TMEM231: variants seen among roughly 807,000 people sequenced by gnomAD.
TMEM231 encodes transmembrane protein 231.
In TMEM231, 40 loss-of-function variants were observed where a neutral mutation model predicts 38.5. That is an observed-to-expected ratio of 1.04 (90% CI 0.81 to 1.35). The LOEUF (loss-of-function observed/expected upper bound fraction) is 1.35, where lower values mean the gene tolerates loss of function less well. Among genes scored for constraint, TMEM231 ranks in the 40% most tolerant of loss-of-function variants. The pLI, the probability that TMEM231 is intolerant of heterozygous loss-of-function variation, is 0.00. For synonymous variants in TMEM231, 199 were observed against 181.7 expected, an observed-to-expected ratio of 1.10 and a Z score of -0.77; for missense variants, 420 against 416.9, an observed-to-expected ratio of 1.01 and a Z score of -0.07.
Position 75,539,340 on chromosome 16 carries a change from C to G in TMEM231, c.*654G>C, listed in dbSNP as rs542097304. 13 of 152,550 alleles carry G rather than the reference C, an allele frequency of 8.5e-5. No individual in the cohort carries two copies. The highest frequency in any genetic ancestry group is 2.4e-4 in the African/African-American group (10 of 41,610). 9.4% of individuals were successfully genotyped at this position (152,550 alleles called of 1,614,324 possible). A position where few individuals can be genotyped will look rare whatever the true frequency, so the allele number is the denominator to read the frequency against. ...GCCCAGTCACAGTACGGCAAAGATC[C>G]AGGGCTGCTCAGCTGAGCTGATGAC... On this transcript the variant is annotated 3_prime_UTR_variant, in exon 7 of 7. Coordinates refer to ENST00000258173, the MANE Select transcript of TMEM231 (RefSeq NM_001077418.3).
chr16:75,555,592 T>TG, intron 2 of TMEM231: 1 of 506,312 alleles, frequency 2.0e-6, no homozygotes, highest in South Asian at 3.7e-5. Flanking sequence ...GCTAACTTTC[T>TG]GGGGGCCGGG....
intron 5 of TMEM231, among the ~76,000 whole-genome samples, chr16:75,542,275 AGGTGTGG>A (rs1385983940): frequency 2.8e-5 from 2 of 71,274 alleles, no homozygotes; most frequent in Non-Finnish European, 5.4e-5. Context: ...CATCTGTTAT[AGGTGTGG>A]ATAGGTGTGG....
At chr16:75,552,347 G>T in intron 2 of TMEM231, among the ~76,000 whole-genome samples, 1 of 151,746 alleles carries the variant, frequency 6.6e-6, no homozygotes, top group South Asian at 2.1e-4. Context: ...CAGCTCCTTC[G>T]GAGGCTGAGG....
chr16:75,547,554 G>T (rs2080708037), intron 2 of TMEM231, among the ~76,000 whole-genome samples: 2 of 152,112 alleles, frequency 1.3e-5, no homozygotes, highest in African/African-American at 4.8e-5. Flanking sequence ...AGCCTGCCTT[G>T]CGGATCATGA....
At chr16:75,555,650 C>G (rs1020334731) in intron 2 of TMEM231, 154 bp downstream of exon 2, 4 of 715,732 alleles carry the variant, frequency 5.6e-6, no homozygotes, top group Non-Finnish European at 8.7e-6. Context: ...TCCCTAGGTC[C>G]TAGGAGATGA....
intron 5 of TMEM231, 151 bp from the exon 6 acceptor site, chr16:75,541,606 G>C (rs1352353822): frequency 4.4e-6 from 2 of 456,984 alleles, no homozygotes; most frequent in South Asian, 4.9e-5. Context: ...GTGCAAAGCT[G>C]ATCACACATT....
chr16:75,551,623 A>G (rs1465752341), intron 2 of TMEM231, among the ~76,000 whole-genome samples: 1 of 150,228 alleles, frequency 6.7e-6, no homozygotes, highest in African/African-American at 2.5e-5. Context: ...AAGAGCTTTT[A>G]GATTTAGACA....
intron 2 of TMEM231, among the ~76,000 whole-genome samples, chr16:75,553,822 G>A (rs1597048971): frequency 6.6e-6 from 1 of 151,756 alleles, no homozygotes; most frequent in East Asian, 2.0e-4. Flanking sequence ...CATTTCTGGC[G>A]GCAAATATTT....
chr16:75,542,648 A>G lies in TMEM231; in HGVS notation c.618T>C (p.Tyr206=). 6.2e-7 allele frequency: 1 copy of G among 1,613,916 alleles called. No individual in the cohort carries two copies. Among genetic ancestry groups the G allele is most frequent in the Non-Finnish European group, 8.5e-7 (1 of 1,179,866 alleles). The change falls in exon 5 of 7, where the codon TAT becomes TAC. Residue 206 remains tyrosine, a synonymous_variant. Transcript: ENST00000258173. ...SVINGTSPFA[Y]DYDLTHIVAA... ...CAACAATATGGGTGAGGTCGTAGTC[A>G]TAGGCAAAGGGGCTGGTCCCGTTGA...
chr16:75,555,195 A>AAAAT (rs1437520902), intron 2 of TMEM231: 3 of 152,238 alleles, frequency 2.0e-5, no homozygotes, highest in African/African-American at 7.2e-5. Flanking sequence ...AAAAAATTTA[A>AAAAT]AAATAAATAA....
At chr16:75,547,031 T>C (rs757910511) in intron 2 of TMEM231, among the ~76,000 whole-genome samples, 21 of 152,178 alleles carry the variant, frequency 1.4e-4, no homozygotes, top group Non-Finnish European at 2.6e-4. Flanking sequence ...TGGTATCCAC[T>C]CCTACCATCC....
At chr16:75,556,007 G>T in intron 1 of TMEM231, 34 bp from the exon 2 acceptor site, 2 of 1,583,862 alleles carry the variant, frequency 1.3e-6, no homozygotes, top group Non-Finnish European at 1.7e-6. Flanking sequence ...AGGCGGTTAG[G>T]GAGGCCGGCC....
Position 75,538,040 on chromosome 16 carries a change from G to A in TMEM231, c.*1954C>T, listed in dbSNP as rs529804131. On this transcript the variant is annotated 3_prime_UTR_variant, in exon 7 of 7. Transcript: ENST00000258173. ...AGCATGGCTGTAGATGAGTAATAAA[G>A]ACAGGTGTGTGCAACCTCTGCCCTC... 2 of 152,286 alleles carry A rather than the reference G, an allele frequency of 1.3e-5. No individual in the cohort carries two copies. Among genetic ancestry groups the A allele is most frequent in the African/African-American group, 4.8e-5 (2 of 41,564 alleles). The allele number at this position is 152,286 out of a possible 1,614,324, so 9.4% of individuals were successfully genotyped here.
At chr16:75,549,056 G>A (rs2080725693) in intron 2 of TMEM231, among the ~76,000 whole-genome samples, 2 of 152,098 alleles carry the variant, frequency 1.3e-5, no homozygotes, top group South Asian at 4.1e-4. Flanking sequence ...GGCAGAGTGG[G>A]TGAGAAGGAG....
At chr16:75,543,169 A>C (rs1231526953) in intron 4 of TMEM231, among the ~76,000 whole-genome samples, 1 of 152,130 alleles carries the variant, frequency 6.6e-6, no homozygotes, top group Non-Finnish European at 1.5e-5. Context: ...GGACCACTTG[A>C]GGCCATGAGT....
chr16:75,545,206 C>T, intron 4 of TMEM231, 146 bp downstream of exon 4: 2 of 1,172,034 alleles, frequency 1.7e-6, no homozygotes, highest in African/African-American at 1.5e-5. Context: ...TCCATCCGCA[C>T]ATCTCCGCCT....
At chr16:75,543,827 TC>T (rs1277973240) in intron 4 of TMEM231, among the ~76,000 whole-genome samples, 1 of 152,226 alleles carries the variant, frequency 6.6e-6, no homozygotes, top group Non-Finnish European at 1.5e-5. Flanking sequence ...TGTTGCAGCT[TC>T]CTATTCTTTA....
intron 4 of TMEM231, 58 bp downstream of exon 4, chr16:75,545,294 A>T: frequency 6.4e-7 from 1 of 1,566,868 alleles, no homozygotes; most frequent in Non-Finnish European, 8.7e-7. Context: ...TCTTTAAAGA[A>T]CTTAATGAAC....
At chr16:75,543,442 T>A (rs923973044) in intron 4 of TMEM231, among the ~76,000 whole-genome samples, 20 of 152,176 alleles carry the variant, frequency 1.3e-4, no homozygotes, top group South Asian at 1.0e-3. Context: ...TGGTGGCATA[T>A]GGCTGTAATC....
Sources: gnomAD v4.1 joint callset for allele counts (sites outside exome capture counted in the v4.1 genomes callset) on GRCh38, gnomAD v4.1.1 for gene constraint, MANE v1.5 for transcripts, NCBI Gene and HGNC (gene_info 2026-07-23, HGNC 2026-07-21) for gene names.